Variants in ZNF503 observed in about 807,000 individuals in gnomAD.
ZNF503 encodes the protein zinc finger protein 503, also known as NocA-like zinc finger 2.
ZNF503 carries 15 observed loss-of-function variants against 34.4 expected under a neutral mutation model. That is an observed-to-expected ratio of 0.44 (90% CI 0.29 to 0.67). ZNF503 has a LOEUF of 0.67. ZNF503 is among the 30% of genes least tolerant of loss of function. ZNF503 has a pLI of 0.13. For missense variants in ZNF503, 1,007 were observed against 926.8 expected (o/e 1.09, Z -1.12); for synonymous variants, 580 against 456.8 (o/e 1.27, Z -3.44).
the ZNF503 span, among the ~76,000 whole-genome samples, chr10:75,322,189 T>C: frequency 1.3e-5 from 2 of 149,218 alleles, no homozygotes; most frequent in African/African-American, 5.0e-5. Flanking sequence ...CAGTGGTCAA[T>C]CTTGGTTCAC....
the ZNF503 span, among the ~76,000 whole-genome samples, chr10:75,289,128 G>A: frequency 1.3e-5 from 2 of 152,170 alleles, no homozygotes; most frequent in African/African-American, 2.4e-5. Flanking sequence ...CTACTTGGGG[G>A]GCCAGAGCAG....
the ZNF503 span, among the ~76,000 whole-genome samples, chr10:75,332,415 C>T: frequency 1.3e-5 from 2 of 151,498 alleles, no homozygotes; most frequent in African/African-American, 4.8e-5. Context: ...TGCTGTTAAG[C>T]CTATCTATCT....
the ZNF503 span, among the ~76,000 whole-genome samples, chr10:75,284,372 C>T: frequency 0.016 from 360 of 23,092 alleles, 9 homozygotes; most frequent in East Asian, 0.11. Context: ...GAGCAGCAGG[C>T]GGGGAGGGGG....
At chr10:75,324,280 A>T in the ZNF503 span, among the ~76,000 whole-genome samples, 1 of 149,676 alleles carries the variant, frequency 6.7e-6, no homozygotes, top group African/African-American at 2.4e-5. Flanking sequence ...GTAGTTTTAC[A>T]TCGTACATTT....
chr10:75,385,482 T>C, the ZNF503 span, among the ~76,000 whole-genome samples: 1 of 152,222 alleles, frequency 6.6e-6, no homozygotes, highest in Non-Finnish European at 1.5e-5. Context: ...AGGAGTTGTC[T>C]GAACCTCATT....
chr10:75,363,081 T>TACACACACACAC, the ZNF503 span, among the ~76,000 whole-genome samples: 4 of 148,760 alleles, frequency 2.7e-5, no homozygotes, highest in African/African-American at 7.4e-5. Flanking sequence ...CATGCATGCA[T>TACACACACACAC]ACACACACAC....
At chr10:75,370,785 A>AG in the ZNF503 span, among the ~76,000 whole-genome samples, 1 of 23,266 alleles carries the variant, frequency 4.3e-5, no homozygotes, top group Non-Finnish European at 9.6e-5. Flanking sequence ...TCTCAAAAAA[A>AG]AAAAAAAAAA....
the ZNF503 span, among the ~76,000 whole-genome samples, chr10:75,346,126 GGGA>G: frequency 3.9e-5 from 6 of 152,174 alleles, no homozygotes; most frequent in Non-Finnish European, 8.8e-5. Context: ...GTGAGGTGAG[GGGA>G]TGGAGATCCT....
intron 1 of ZNF503, 62 bp downstream of exon 1, chr10:75,401,043 G>A (rs573799285): frequency 3.7e-6 from 6 of 1,607,642 alleles, no homozygotes; most frequent in Non-Finnish European, 4.2e-6. Flanking sequence ...CCGAGAAAAA[G>A]AAAGCCCTAG....
At chr10:75,312,906 A>G in the ZNF503 span, among the ~76,000 whole-genome samples, 1 of 152,104 alleles carries the variant, frequency 6.6e-6, no homozygotes, top group East Asian at 1.9e-4. Flanking sequence ...GAGTTTCCCC[A>G]TACTGTTTTT....
At chr10:75,330,300 T>C in the ZNF503 span, among the ~76,000 whole-genome samples, 4 of 152,216 alleles carry the variant, frequency 2.6e-5, no homozygotes, top group African/African-American at 9.6e-5. Flanking sequence ...ATCAGGGAGA[T>C]TGGCTGAGAG....
the ZNF503 span, chr10:75,279,897 A>AT: frequency 6.6e-5 from 10 of 152,170 alleles, no homozygotes; most frequent in African/African-American, 2.4e-4. Context: ...TGTCTCTTTG[A>AT]TAAGTGCACT....
the ZNF503 span, among the ~76,000 whole-genome samples, chr10:75,348,555 A>G: frequency 9.9e-5 from 12 of 121,232 alleles, no homozygotes; most frequent in Admixed American, 2.1e-4. Context: ...TCTGTTGCCC[A>G]GGCTGGAATG....
chr10:75,366,317 C>T, the ZNF503 span, among the ~76,000 whole-genome samples: 1 of 152,114 alleles, frequency 6.6e-6, no homozygotes, highest in South Asian at 2.1e-4. Context: ...TTAGTGATGT[C>T]GGCCAGGGAT....
rs1228664722 is a variant in ZNF503 at position 75,399,894 on chromosome 10, C to A, written c.796G>T (p.Gly266Cys). ...KDTDVGGGGKGTGGASAEGGP... is the reference protein window; with the variant it reads ...KDTDVGGGGKCTGGASAEGGP... ...CCTTCGGCCGAGGCGCCCCCGGTGCCCTTGCCACCGCCGCCCACGTCGGTG... is the reference window on the plus strand; with the variant it reads ...CCTTCGGCCGAGGCGCCCCCGGTGCACTTGCCACCGCCGCCCACGTCGGTG... Residue 266 changes from glycine (G) to cysteine (C), a missense_variant, in exon 2 of 2, where the codon GGC becomes TGC. Coordinates refer to ENST00000372524, the MANE Select transcript of ZNF503 (RefSeq NM_032772.6). 3 of 1,602,668 alleles carry A rather than the reference C, an allele frequency of 1.9e-6. No homozygotes were observed. Among genetic ancestry groups the A allele is most frequent in the Non-Finnish European group, 2.5e-6 (3 of 1,176,602 alleles).
At chr10:75,311,328 C>T in the ZNF503 span, among the ~76,000 whole-genome samples, 70 of 152,312 alleles carry the variant, frequency 4.6e-4, no homozygotes, top group Middle Eastern at 3.4e-3. Context: ...GCCTTTCCCA[C>T]TCCACTGACT....
chr10:75,327,404 A>G, the ZNF503 span, among the ~76,000 whole-genome samples: 1 of 152,236 alleles, frequency 6.6e-6, no homozygotes, highest in Admixed American at 6.5e-5. Flanking sequence ...TCCTCCAGGC[A>G]CATCCGTGTT....
the ZNF503 span, chr10:75,360,851 TC>T: frequency 6.6e-6 from 1 of 152,312 alleles, no homozygotes; most frequent in South Asian, 2.1e-4. Context: ...GTTATTAAGA[TC>T]TTAGTTGTGT....
At chr10:75,366,664 C>T in the ZNF503 span, among the ~76,000 whole-genome samples, 2 of 152,224 alleles carry the variant, frequency 1.3e-5, no homozygotes, top group Non-Finnish European at 2.9e-5. Flanking sequence ...GGCCTTTGCC[C>T]TTACCATGTC....
Sources: gnomAD v4.1 joint callset for allele counts (sites outside exome capture counted in the v4.1 genomes callset) on GRCh38, gnomAD v4.1.1 for gene constraint, MANE v1.5 for transcripts, NCBI Gene and HGNC (gene_info 2026-07-23, HGNC 2026-07-21) for gene names.